The following ST6GALNAC3 variants were observed in gnomAD, a reference collection of about 807,000 sequenced individuals.
The protein encoded by ST6GALNAC3 is alpha-N-acetylgalactosaminide alpha-2,6-sialyltransferase 3.
A neutral mutation model predicts 32.7 loss-of-function variants in ST6GALNAC3; 25 were observed. That is an observed-to-expected ratio of 0.76 (90% CI 0.56 to 1.07). The LOEUF (loss-of-function observed/expected upper bound fraction) is 1.07. ST6GALNAC3 is among the 50% of genes least tolerant of loss of function. The pLI is 0.00. For missense variants in ST6GALNAC3, 355 were observed against 382.4 expected (o/e 0.93, Z 0.60); for synonymous variants, 129 against 133.1 (o/e 0.97, Z 0.21).
chr1:76,248,234 A>G (rs1222299920), intron 1 of ST6GALNAC3, among the ~76,000 whole-genome samples: 1 of 152,186 alleles, frequency 6.6e-6, no homozygotes, highest in Non-Finnish European at 1.5e-5. Context: ...TGGGAGCTGC[A>G]GACCAGAGCT....
chr1:76,306,559 A>T (rs1661064186), intron 1 of ST6GALNAC3, among the ~76,000 whole-genome samples: 1 of 142,910 alleles, frequency 7.0e-6, no homozygotes, highest in African/African-American at 2.5e-5. Flanking sequence ...AAATCAAGGC[A>T]ATAGAGTTTT....
At chr1:76,561,937 A>G (rs1208909652) in intron 3 of ST6GALNAC3, among the ~76,000 whole-genome samples, 2 of 152,228 alleles carry the variant, frequency 1.3e-5, no homozygotes, top group Admixed American at 1.3e-4. Flanking sequence ...AAATACAGAT[A>G]CATGGTACAA....
intron 2 of ST6GALNAC3, among the ~76,000 whole-genome samples, chr1:76,347,741 C>T (rs549315594): frequency 1.3e-5 from 2 of 152,076 alleles, no homozygotes; most frequent in African/African-American, 4.8e-5. Context: ...TTCCTGGGTT[C>T]AAGCTCTTGC....
intron 1 of ST6GALNAC3, among the ~76,000 whole-genome samples, chr1:76,214,836 G>T (rs1275630238): frequency 6.6e-6 from 1 of 152,182 alleles, no homozygotes. Flanking sequence ...GAGTTAACCA[G>T]TCATGAGAAG....
chr1:76,327,128 C>T (rs1647088883), intron 2 of ST6GALNAC3, among the ~76,000 whole-genome samples: 1 of 152,006 alleles, frequency 6.6e-6, no homozygotes, highest in South Asian at 2.1e-4. Flanking sequence ...ATTGAAATGA[C>T]TGGATGATTT....
intron 1 of ST6GALNAC3, among the ~76,000 whole-genome samples, chr1:76,258,248 T>G (rs72675955): frequency 0.071 from 10,811 of 152,248 alleles, 470 homozygotes; most frequent in South Asian, 0.11. Flanking sequence ...TTAAGTTTAA[T>G]TTTTTTGAAG....
At chr1:76,228,370 A>T (rs1438071882) in intron 1 of ST6GALNAC3, among the ~76,000 whole-genome samples, 1 of 152,184 alleles carries the variant, frequency 6.6e-6, no homozygotes, top group African/African-American at 2.4e-5. Context: ...CACTAATCTG[A>T]GAAGTTTATG....
At chr1:76,607,227 C>T (rs1647616267) in intron 3 of ST6GALNAC3, among the ~76,000 whole-genome samples, 1 of 152,094 alleles carries the variant, frequency 6.6e-6, no homozygotes, top group Non-Finnish European at 1.5e-5. Context: ...AGCTGTATGC[C>T]CTCTCCGGGT....
chr1:76,530,433 G>T (rs1663182912), intron 3 of ST6GALNAC3, among the ~76,000 whole-genome samples: 1 of 152,078 alleles, frequency 6.6e-6, no homozygotes, highest in Non-Finnish European at 1.5e-5. Flanking sequence ...GTGAGATTGG[G>T]GTTAAAACTG....
At chr1:76,480,796 G>T (rs1056514005) in intron 3 of ST6GALNAC3, among the ~76,000 whole-genome samples, 2 of 152,040 alleles carry the variant, frequency 1.3e-5, no homozygotes, top group Admixed American at 6.6e-5. Flanking sequence ...TGAAAATATT[G>T]TATATAGCAG....
intron 1 of ST6GALNAC3, among the ~76,000 whole-genome samples, chr1:76,123,749 A>ATTTTTTTTTT (rs767734132): frequency 3.2e-5 from 3 of 94,290 alleles, no homozygotes; most frequent in Admixed American, 1.5e-4. Context: ...ACTCATTTTA[A>ATTTTTTTTTT]TTTTTTTTTT....
intron 1 of ST6GALNAC3, among the ~76,000 whole-genome samples, chr1:76,259,967 T>G (rs1169919749): frequency 1.3e-5 from 2 of 152,162 alleles, no homozygotes; most frequent in Non-Finnish European, 2.9e-5. Context: ...TTTCCATCTC[T>G]CTTGCTTTAG....
At chr1:76,342,378 C>A (rs1383538058) in intron 2 of ST6GALNAC3, among the ~76,000 whole-genome samples, 1 of 151,976 alleles carries the variant, frequency 6.6e-6, no homozygotes, top group African/African-American at 2.4e-5. Context: ...TCTGTTGTTT[C>A]CTGACTTTTT....
intron 2 of ST6GALNAC3, among the ~76,000 whole-genome samples, chr1:76,367,173 ATATAG>A (rs1286896344): frequency 6.6e-6 from 1 of 152,210 alleles, no homozygotes; most frequent in African/African-American, 2.4e-5. Context: ...CTTGCAAGCT[ATATAG>A]TAAACTATAT....
chr1:76,242,800 C>T (rs1657042162), intron 1 of ST6GALNAC3, among the ~76,000 whole-genome samples: 1 of 152,176 alleles, frequency 6.6e-6, no homozygotes, highest in African/African-American at 2.4e-5. Context: ...TTTTTTATGG[C>T]TGCATAGTAT....
chr1:76,170,655 A>G (rs973738078), intron 1 of ST6GALNAC3, among the ~76,000 whole-genome samples: 12 of 152,170 alleles, frequency 7.9e-5, no homozygotes, highest in Non-Finnish European at 1.5e-4. Flanking sequence ...TTGTTTCTGT[A>G]TCAGACACGC....
chr1:76,230,000 A>G (rs530354688), intron 1 of ST6GALNAC3, among the ~76,000 whole-genome samples: 1 of 152,342 alleles, frequency 6.6e-6, no homozygotes, highest in African/African-American at 2.4e-5. Flanking sequence ...AGATTTGGAA[A>G]TAGGAGATCT....
intron 2 of ST6GALNAC3, among the ~76,000 whole-genome samples, chr1:76,370,731 A>G (rs1650751080): frequency 6.6e-6 from 1 of 152,158 alleles, no homozygotes; most frequent in Non-Finnish European, 1.5e-5. Context: ...AAACTAATTT[A>G]TATGCAGATT....
chr1:76,216,015 CA>C (rs1217186983), intron 1 of ST6GALNAC3, among the ~76,000 whole-genome samples: 1 of 151,894 alleles, frequency 6.6e-6, no homozygotes, highest in Non-Finnish European at 1.5e-5. Flanking sequence ...GGTTTCTTTT[CA>C]TCCCTCTCCT....
Sources: allele counts gnomAD v4.1 joint callset (sites outside exome capture counted in the v4.1 genomes callset), GRCh38; gene constraint gnomAD v4.1.1; transcripts MANE v1.5; gene names NCBI Gene and HGNC (gene_info 2026-07-23, HGNC 2026-07-21).